PLCL1: variants seen among roughly 807,000 people sequenced by gnomAD.
PLCL1 encodes the protein inactive phospholipase C-like protein 1.
Under a neutral mutation model 84.4 loss-of-function variants are expected in PLCL1, and 41 were observed. That is an observed-to-expected ratio of 0.49 (90% CI 0.38 to 0.63). The LOEUF (loss-of-function observed/expected upper bound fraction) is 0.63, where lower values mean the gene tolerates loss of function less well. PLCL1 is among the 30% of genes least tolerant of loss of function. The pLI is 0.00. For missense variants in PLCL1, 1,206 were observed against 1,367.8 expected, an observed-to-expected ratio of 0.88 and a Z score of 1.87; for synonymous variants, 490 against 488.3, an observed-to-expected ratio of 1.00 and a Z score of -0.05.
At chr2:198,064,905 G>A (rs1433696941) in intron 1 of PLCL1, among the ~76,000 whole-genome samples, 1 of 152,186 alleles carries the variant, frequency 6.6e-6, no homozygotes, top group Admixed American at 6.5e-5. Flanking sequence ...GTTTGGTATA[G>A]GGAAGCTTAT....
At chr2:197,985,697 C>T (rs915711038) in intron 1 of PLCL1, among the ~76,000 whole-genome samples, 2 of 152,266 alleles carry the variant, frequency 1.3e-5, no homozygotes, top group Non-Finnish European at 2.9e-5. Flanking sequence ...GCTATCATGG[C>T]AGATTAGTTG....
intron 1 of PLCL1, among the ~76,000 whole-genome samples, chr2:197,918,235 G>A (rs1688632488): frequency 6.6e-6 from 1 of 152,162 alleles, no homozygotes; most frequent in East Asian, 1.9e-4. Flanking sequence ...TCAGGGACAT[G>A]TTATATAATA....
At chr2:197,893,524 T>G (rs112373383) in intron 1 of PLCL1, among the ~76,000 whole-genome samples, 2 of 152,088 alleles carry the variant, frequency 1.3e-5, no homozygotes, top group Non-Finnish European at 2.9e-5. Context: ...CTCAGAACAG[T>G]CATGTGAAAT....
intron 1 of PLCL1, among the ~76,000 whole-genome samples, chr2:197,897,105 CTT>C (rs1185212185): frequency 4.0e-3 from 149 of 37,528 alleles, no homozygotes; most frequent in African/African-American, 0.022. Context: ...ACTCCTTCTT[CTT>C]CTTCTTCTTC....
At position 198,125,597 on chromosome 2, in the gene PLCL1, T is replaced by A. The variant is rs1369348773; in HGVS notation, c.3106-21183T>A. On this transcript the variant is annotated intron_variant, in intron 5 of 5. Transcript: ENST00000428675. ...AATATGTGGGTGGAGAATAAGGAAA[T>A]CAGCTGTGTTGGTTTAATACCCTTG... 4.6e-5 allele frequency among the ~76,000 whole-genome samples: 7 copies of A among 152,194 alleles called. No homozygotes were observed. In the East Asian group the frequency reaches 1.4e-3, roughly 29 times the overall value.
intron 1 of PLCL1, among the ~76,000 whole-genome samples, chr2:198,017,927 A>G (rs1046499259): frequency 6.6e-6 from 1 of 152,186 alleles, no homozygotes; most frequent in Admixed American, 6.5e-5. Context: ...ACTTACAATT[A>G]TTGGCTCCCA....
intron 1 of PLCL1, among the ~76,000 whole-genome samples, chr2:197,959,560 A>G (rs1214108873): frequency 1.3e-5 from 2 of 152,204 alleles, no homozygotes; most frequent in Non-Finnish European, 2.9e-5. Flanking sequence ...CCAGATGGTT[A>G]TAACTACATA....
intron 1 of PLCL1, among the ~76,000 whole-genome samples, chr2:197,839,208 T>A (rs1559021038): frequency 6.6e-6 from 1 of 152,246 alleles, no homozygotes; most frequent in Non-Finnish European, 1.5e-5. Context: ...CTGTCAAATC[T>A]GAACAGGGTA....
intron 5 of PLCL1, among the ~76,000 whole-genome samples, chr2:198,122,952 G>A (rs946668145): frequency 2.6e-5 from 4 of 152,062 alleles, no homozygotes; most frequent in African/African-American, 7.2e-5. Flanking sequence ...AGAAAGGTTA[G>A]CTAATAGCTA....
intron 1 of PLCL1, among the ~76,000 whole-genome samples, chr2:198,029,137 A>C (rs1368027536): frequency 6.6e-6 from 1 of 152,140 alleles, no homozygotes; most frequent in Non-Finnish European, 1.5e-5. Context: ...CTGAGACTAA[A>C]AGTAATTCAT....
At chr2:197,872,958 A>G (rs1315436894) in intron 1 of PLCL1, among the ~76,000 whole-genome samples, 1 of 152,128 alleles carries the variant, frequency 6.6e-6, no homozygotes, top group Non-Finnish European at 1.5e-5. Flanking sequence ...GCTAAGAACT[A>G]TTACTATTAC....
intron 1 of PLCL1, among the ~76,000 whole-genome samples, chr2:197,863,139 CA>C (rs2105695702): frequency 6.7e-6 from 1 of 149,488 alleles, no homozygotes; most frequent in African/African-American, 2.5e-5. Context: ...TAAGAGTTTG[CA>C]CTCTCTGGTC....
intron 1 of PLCL1, among the ~76,000 whole-genome samples, chr2:197,854,079 T>C (rs1464272046): frequency 2.0e-5 from 3 of 152,150 alleles, no homozygotes; most frequent in African/African-American, 7.2e-5. Flanking sequence ...GGGTGATTCT[T>C]ACGCACATTA....
At chr2:197,895,013 C>A (rs543799358) in intron 1 of PLCL1, among the ~76,000 whole-genome samples, 1 of 152,088 alleles carries the variant, frequency 6.6e-6, no homozygotes, top group South Asian at 2.1e-4. Context: ...TTATCTATTT[C>A]CCTTGATAAA....
At chr2:197,927,961 T>C (rs1295215164) in intron 1 of PLCL1, among the ~76,000 whole-genome samples, 3 of 152,170 alleles carry the variant, frequency 2.0e-5, no homozygotes, top group Non-Finnish European at 4.4e-5. Flanking sequence ...AAGGATCCAT[T>C]TTGTGAAAAA....
intron 1 of PLCL1, among the ~76,000 whole-genome samples, chr2:197,883,752 T>A (rs141501243): frequency 1.3e-3 from 192 of 152,300 alleles, no homozygotes; most frequent in African/African-American, 4.3e-3. Flanking sequence ...GTAAAGGAAG[T>A]GATACTCACA....
intron 1 of PLCL1, among the ~76,000 whole-genome samples, chr2:197,945,899 G>A (rs1377705248): frequency 6.6e-6 from 1 of 152,072 alleles, no homozygotes; most frequent in African/African-American, 2.4e-5. Context: ...TTACATTAAA[G>A]TAATATATGT....
At chr2:198,118,526 GA>G (rs1304675016) in intron 5 of PLCL1, among the ~76,000 whole-genome samples, 1 of 152,094 alleles carries the variant, frequency 6.6e-6, no homozygotes, top group Middle Eastern at 3.4e-3. Context: ...TGAACTACAG[GA>G]GACTTGAAAA....
At chr2:198,122,023 T>C (rs1693879378) in intron 5 of PLCL1, among the ~76,000 whole-genome samples, 1 of 152,084 alleles carries the variant, frequency 6.6e-6, no homozygotes, top group African/African-American at 2.4e-5. Context: ...GGCATCCATA[T>C]ACATATGTAC....
Sources: gnomAD v4.1 joint callset for allele counts (sites outside exome capture counted in the v4.1 genomes callset) on GRCh38, gnomAD v4.1.1 for gene constraint, MANE v1.5 for transcripts, NCBI Gene and HGNC (gene_info 2026-07-23, HGNC 2026-07-21) for gene names.